Variants in FSTL4 observed in about 807,000 individuals in gnomAD.
FSTL4 encodes the protein follistatin-related protein 4.
Under a neutral mutation model 78.2 loss-of-function variants are expected in FSTL4, and 28 were observed. That is an observed-to-expected ratio of 0.36 (90% confidence interval 0.27 to 0.49). The LOEUF (loss-of-function observed/expected upper bound fraction) is 0.49, where lower values mean the gene tolerates loss of function less well. Ranked by LOEUF, FSTL4 falls within the 20% of genes least tolerant of loss-of-function variation. The pLI is 0.98. For synonymous variants in FSTL4, 422 were observed against 440.5 expected, an observed-to-expected ratio of 0.96 and a Z score of 0.53; for missense variants, 922 against 1,084.9, an observed-to-expected ratio of 0.85 and a Z score of 2.11.
chr5:133,726,816 C>G, the FSTL4 span, among the ~76,000 whole-genome samples: 1 of 152,178 alleles, frequency 6.6e-6, no homozygotes, highest in African/African-American at 2.4e-5. Context: ...CCAGTTTGAA[C>G]AATTCTTTCT....
upstream of FSTL4, among the ~76,000 whole-genome samples, chr5:133,616,790 C>A (rs1311999024): frequency 6.6e-6 from 1 of 152,164 alleles, no homozygotes; most frequent in Non-Finnish European, 1.5e-5. Flanking sequence ...AGACAACTAT[C>A]CAACCTTCAG....
chr5:133,205,740 C>G (rs911660666), intron 14 of FSTL4, among the ~76,000 whole-genome samples: 4 of 151,860 alleles, frequency 2.6e-5, no homozygotes, highest in South Asian at 2.1e-4. Context: ...TTAGAAACAC[C>G]GTAAAACTAT....
chr5:133,749,209 C>T, the FSTL4 span, among the ~76,000 whole-genome samples: 1 of 152,110 alleles, frequency 6.6e-6, no homozygotes, highest in African/African-American at 2.4e-5. Flanking sequence ...CACTGGGAAC[C>T]GGGGACAGGG....
chr5:133,395,252 C>A (rs143527042), intron 4 of FSTL4, among the ~76,000 whole-genome samples: 1 of 152,134 alleles, frequency 6.6e-6, no homozygotes, highest in South Asian at 2.1e-4. Flanking sequence ...TCTTTGGGTC[C>A]GCACTGCCTT....
intron 4 of FSTL4, among the ~76,000 whole-genome samples, chr5:133,359,017 G>A (rs374916390): frequency 2.6e-5 from 4 of 152,168 alleles, no homozygotes; most frequent in Non-Finnish European, 2.9e-5. Flanking sequence ...CTCACACGGT[G>A]GGGTCTTTCT....
At chr5:133,726,997 T>C in the FSTL4 span, among the ~76,000 whole-genome samples, 2 of 152,208 alleles carry the variant, frequency 1.3e-5, no homozygotes, top group Non-Finnish European at 2.9e-5. Context: ...CCGTGGCATG[T>C]CGGTGTATTA....
intron 6 of FSTL4, among the ~76,000 whole-genome samples, chr5:133,299,184 A>G (rs1753473715): frequency 6.6e-6 from 1 of 152,204 alleles, no homozygotes; most frequent in Non-Finnish European, 1.5e-5. Flanking sequence ...TCTCAAGGGC[A>G]GGGATCATAG....
At chr5:133,514,705 T>G (rs557760486) in intron 3 of FSTL4, among the ~76,000 whole-genome samples, 1 of 152,296 alleles carries the variant, frequency 6.6e-6, no homozygotes, top group East Asian at 1.9e-4. Flanking sequence ...AATAAACATT[T>G]GGATAATGAA....
intron 6 of FSTL4, among the ~76,000 whole-genome samples, chr5:133,273,633 A>C (rs1752816468): frequency 6.6e-6 from 1 of 152,120 alleles, no homozygotes; most frequent in Non-Finnish European, 1.5e-5. Context: ...CTGAGGCTTG[A>C]CTTACCCTGA....
chr5:133,232,953 G>A (rs991556593), intron 8 of FSTL4, among the ~76,000 whole-genome samples: 2 of 152,232 alleles, frequency 1.3e-5, no homozygotes, highest in Non-Finnish European at 1.5e-5. Context: ...GGGCCTCCTG[G>A]GGAGGGAGAC....
intron 7 of FSTL4, chr5:133,248,167 G>A (rs1752102166): frequency 6.6e-6 from 1 of 152,318 alleles, no homozygotes; most frequent in Non-Finnish European, 1.5e-5. Context: ...GCTGGAATGG[G>A]GTTCCATCTA....
the FSTL4 span, among the ~76,000 whole-genome samples, chr5:133,781,013 C>A: frequency 6.6e-6 from 1 of 152,200 alleles, no homozygotes; most frequent in Non-Finnish European, 1.5e-5. Flanking sequence ...AGTCAACCCC[C>A]AACCCAGGTG....
chr5:133,466,957 TG>T (rs1757722231), intron 3 of FSTL4, among the ~76,000 whole-genome samples: 2 of 132,714 alleles, frequency 1.5e-5, no homozygotes, highest in African/African-American at 7.7e-5. Flanking sequence ...TACGAGTGAC[TG>T]TATGTGTGTG....
At chr5:133,264,049 A>G (rs1280621987) in intron 6 of FSTL4, among the ~76,000 whole-genome samples, 2 of 152,128 alleles carry the variant, frequency 1.3e-5, no homozygotes, top group African/African-American at 4.8e-5. Context: ...GACATTTGGT[A>G]ATGCCTGGAG....
At chr5:133,323,981 A>G (rs1312680059) in intron 4 of FSTL4, among the ~76,000 whole-genome samples, 2 of 152,174 alleles carry the variant, frequency 1.3e-5, no homozygotes, top group African/African-American at 4.8e-5. Flanking sequence ...CTCCCTTCAC[A>G]CAGAGGAAGA....
intron 3 of FSTL4, among the ~76,000 whole-genome samples, chr5:133,489,574 T>A (rs1758214894): frequency 1.3e-5 from 2 of 152,194 alleles, no homozygotes; most frequent in Non-Finnish European, 2.9e-5. Flanking sequence ...TCTCAAAATA[T>A]TCTTAAGAAG....
At chr5:133,318,912 T>C (rs2126894844) in intron 4 of FSTL4, among the ~76,000 whole-genome samples, 1 of 152,344 alleles carries the variant, frequency 6.6e-6, no homozygotes, top group South Asian at 2.1e-4. Flanking sequence ...GTGGCCAGGC[T>C]GGCCTAAGCA....
chr5:133,732,762 G>A, the FSTL4 span, among the ~76,000 whole-genome samples: 1 of 152,156 alleles, frequency 6.6e-6, no homozygotes, highest in Non-Finnish European at 1.5e-5. Flanking sequence ...GAGAGCCCAG[G>A]CCTGCACGGC....
intron 6 of FSTL4, among the ~76,000 whole-genome samples, chr5:133,251,641 G>A (rs138241638): frequency 1.3e-5 from 2 of 152,030 alleles, no homozygotes; most frequent in South Asian, 2.1e-4. Context: ...ATTTGCAACC[G>A]GTCTCCCATT....
Sources: allele counts gnomAD v4.1 joint callset (sites outside exome capture counted in the v4.1 genomes callset), GRCh38; gene constraint gnomAD v4.1.1; transcripts MANE v1.5; gene names NCBI Gene and HGNC (gene_info 2026-07-23, HGNC 2026-07-21).